The following NNT variants were observed in gnomAD, a reference collection of about 807,000 sequenced individuals.
The protein encoded by NNT is NAD(P) transhydrogenase, mitochondrial.
Under a neutral mutation model 104.8 loss-of-function variants are expected in NNT, and 50 were observed. The ratio of observed to expected loss-of-function variants is 0.48; its 90% CI spans 0.38 to 0.60. The LOEUF is 0.60. NNT is among the 20% of genes least tolerant of loss of function. The pLI is 0.00. For missense variants in NNT, 1,131 were observed against 1,330.7 expected, an observed-to-expected ratio of 0.85 and a Z score of 2.33; for synonymous variants, 461 against 490.4, an observed-to-expected ratio of 0.94 and a Z score of 0.79.
At chr5:43,692,507 A>G (rs181275379) in intron 19 of NNT, among the ~76,000 whole-genome samples, 1 of 152,164 alleles carries the variant, frequency 6.6e-6, no homozygotes, top group African/African-American at 2.4e-5. Context: ...TATTTTTAGT[A>G]GAGACAGGGT....
chr5:43,690,115 C>G (rs1477644935), intron 19 of NNT, among the ~76,000 whole-genome samples: 1 of 151,916 alleles, frequency 6.6e-6, no homozygotes, highest in African/African-American at 2.4e-5. Context: ...CGAGGAAAAC[C>G]CCCCTGGCCT....
intron 20 of NNT, 52 bp downstream of exon 20, chr5:43,700,289 C>A: frequency 1.5e-6 from 2 of 1,313,026 alleles, no homozygotes; most frequent in South Asian, 1.2e-5. Flanking sequence ...ATGAATAAAG[C>A]AGTGCAGGTG....
intron 19 of NNT, among the ~76,000 whole-genome samples, chr5:43,691,693 TA>T (rs1377274310): frequency 6.6e-6 from 1 of 152,266 alleles, no homozygotes; most frequent in Non-Finnish European, 1.5e-5. Context: ...GATATATTAC[TA>T]AGCATCTCTG....
chr5:43,611,818 AAT>A (rs1204604305), intron 2 of NNT, among the ~76,000 whole-genome samples: 7 of 152,340 alleles, frequency 4.6e-5, no homozygotes, highest in Non-Finnish European at 7.3e-5. Flanking sequence ...TTCATTAAAA[AAT>A]GTTTATGCTG....
chr5:43,684,672 G>C (rs1741891833), intron 19 of NNT, among the ~76,000 whole-genome samples: 1 of 151,686 alleles, frequency 6.6e-6, no homozygotes, highest in Admixed American at 6.6e-5. Context: ...CAATTACCCT[G>C]CTGACACCAT....
intron 7 of NNT, among the ~76,000 whole-genome samples, chr5:43,637,678 A>G (rs765583313): frequency 2.0e-5 from 3 of 152,180 alleles, no homozygotes; most frequent in African/African-American, 4.8e-5. Flanking sequence ...GTACAACACA[A>G]TATCTAGAGG....
At chr5:43,644,506 GAT>G in intron 8 of NNT, 103 bp from the exon 9 acceptor site, 1 of 1,154,272 alleles carries the variant, frequency 8.7e-7, no homozygotes, top group South Asian at 1.6e-5. Flanking sequence ...TATTCATAAA[GAT>G]ATATAATTAC....
chr5:43,686,660 A>G (rs1360217042), intron 19 of NNT, among the ~76,000 whole-genome samples: 1 of 152,164 alleles, frequency 6.6e-6, no homozygotes, highest in Non-Finnish European at 1.5e-5. Context: ...TATTAAAAAT[A>G]TGCATTTATT....
chr5:43,683,516 G>GA (rs1436601386), intron 19 of NNT, among the ~76,000 whole-genome samples: 5 of 152,214 alleles, frequency 3.3e-5, no homozygotes, highest in Non-Finnish European at 1.5e-5. Context: ...CACTGTTGAT[G>GA]AAATCATTGT....
chr5:43,684,360 G>A (rs1457383002), intron 19 of NNT, among the ~76,000 whole-genome samples: 1 of 152,034 alleles, frequency 6.6e-6, no homozygotes, highest in Non-Finnish European at 1.5e-5. Flanking sequence ...AAAGTTCTAG[G>A]AAGTTAAATG....
chr5:43,655,397 T>C (rs1739988877), intron 14 of NNT, among the ~76,000 whole-genome samples: 1 of 152,206 alleles, frequency 6.6e-6, no homozygotes. Context: ...TCCAAAACTT[T>C]TTGAGTGCTG....
chr5:43,660,443 C>A (rs949832831), intron 17 of NNT, among the ~76,000 whole-genome samples: 1 of 150,892 alleles, frequency 6.6e-6, no homozygotes, highest in African/African-American at 2.4e-5. Flanking sequence ...CTTTTTTTTT[C>A]AAATTATGGA....
At position 43,706,889 on chromosome 5, in the gene NNT, A is replaced by C. The variant is rs1378651636; in HGVS notation, c.*2485A>C. On this transcript the variant is annotated 3_prime_UTR_variant, in exon 22 of 22. Coordinates refer to ENST00000344920, the MANE Select transcript of NNT (RefSeq NM_182977.3). ...GCAAGGACAGAAAACCAAACACTGC[A>C]TGTTCTCACTCATAGGTGGGAATTG... The C allele has an allele frequency of 6.6e-6, 1 of 152,310 alleles. No individual in the cohort carries two copies. Among genetic ancestry groups the C allele is most frequent in the African/African-American group, 2.4e-5 (1 of 41,446 alleles). The allele number at this position is 152,310 out of a possible 1,614,324, so 9.4% of individuals were successfully genotyped here.
At chr5:43,608,093 G>A (rs1046770643) in intron 1 of NNT, among the ~76,000 whole-genome samples, 2 of 152,054 alleles carry the variant, frequency 1.3e-5, no homozygotes, top group Non-Finnish European at 2.9e-5. Flanking sequence ...ACCAGGGCCG[G>A]CTAATTTTTA....
intron 3 of NNT, 47 bp downstream of exon 3, chr5:43,613,184 G>C: frequency 7.0e-7 from 1 of 1,425,758 alleles, no homozygotes; most frequent in Non-Finnish European, 9.7e-7. Flanking sequence ...CTGACTTTTT[G>C]AAATCTTTTC....
intron 19 of NNT, among the ~76,000 whole-genome samples, chr5:43,689,518 G>T (rs1561325220): frequency 6.6e-6 from 1 of 152,092 alleles, no homozygotes; most frequent in Non-Finnish European, 1.5e-5. Context: ...GAATCTTTAT[G>T]GTTTCAGGTC....
intron 7 of NNT, among the ~76,000 whole-genome samples, chr5:43,629,001 C>T (rs1474115217): frequency 6.7e-6 from 1 of 149,042 alleles, no homozygotes; most frequent in Non-Finnish European, 1.5e-5. Context: ...CTATTATTTT[C>T]TCTGCAACTT....
In NNT at chr5:43,700,104, T is replaced by A. The variant is rs374608203; in HGVS notation, c.2877-15T>A. On this transcript the variant is annotated splice_polypyrimidine_tract_variant and intron_variant, in intron 19 of 21. Coordinates refer to ENST00000344920, the MANE Select transcript of NNT (RefSeq NM_182977.3). ...CTGTCAAGTAAGGCCAGCTCTTCAT[T>A]TGTTTCATGTCTAGGTTTGGAATTC... 1.2e-6 allele frequency: 2 copies of A among 1,602,102 alleles called. No individual in the cohort carries two copies. Among genetic ancestry groups the A allele is most frequent in the Middle Eastern group, 3.3e-4 (2 of 6,050 alleles).
intron 19 of NNT, among the ~76,000 whole-genome samples, chr5:43,696,349 C>T: frequency 6.6e-6 from 1 of 152,214 alleles, no homozygotes; most frequent in East Asian, 1.9e-4. Context: ...CCAGGTCATG[C>T]TGATACAAGA....
Sources: allele counts gnomAD v4.1 joint callset (sites outside exome capture counted in the v4.1 genomes callset), GRCh38; gene constraint gnomAD v4.1.1; transcripts MANE v1.5; gene names NCBI Gene and HGNC (gene_info 2026-07-23, HGNC 2026-07-21).